TMEM167B: variants seen among roughly 807,000 people sequenced by gnomAD.
TMEM167B encodes transmembrane protein 167B, also known as protein kish-B.
In TMEM167B, 2 loss-of-function variants were observed where a neutral mutation model predicts 9.4. That is an observed-to-expected ratio of 0.21 (90% CI 0.09 to 0.67). The LOEUF is 0.67. Among genes scored for constraint, TMEM167B ranks in the 30% least tolerant of loss-of-function variants. The probability of loss-of-function intolerance (pLI) is 0.82; values close to 1 mark genes in which losing one functional copy is unlikely to be tolerated. For missense variants in TMEM167B, 68 were observed against 87.6 expected (o/e 0.78, Z 0.89); for synonymous variants, 28 against 32.0 (o/e 0.87, Z 0.42).
chr1:109,093,993 C>T (rs1664511497), intron 2 of TMEM167B, among the ~76,000 whole-genome samples: 1 of 151,328 alleles, frequency 6.6e-6, no homozygotes, highest in South Asian at 2.1e-4. Flanking sequence ...AAAAATTAGC[C>T]AGGGAGCCGG....
Position 109,090,769 on chromosome 1 carries a change from A to G in TMEM167B, c.-104A>G, listed in dbSNP as rs1664427009. The G allele has an allele frequency of 5.6e-6, 8 of 1,434,410 alleles. No individual in the cohort carries two copies. Among genetic ancestry groups the G allele is most frequent in the Non-Finnish European group, 7.7e-6 (8 of 1,040,522 alleles). 88.9% of individuals were successfully genotyped at this position (1,434,410 alleles called of 1,614,324 possible). A position where few individuals can be genotyped will look rare whatever the true frequency, so the allele number is the denominator to read the frequency against. ...GCTCCTGCGTACTACGGCTTCTTCC[A>G]GTCACCTCGGCCCGGATCGGGAAGT... On this transcript the variant is annotated 5_prime_UTR_variant, in exon 1 of 3. Coordinates refer to ENST00000338272, the MANE Select transcript of TMEM167B (RefSeq NM_020141.4).
rs146486834 is a variant in TMEM167B, at chr1:109,091,235, G to C, written c.10+353G>C. ...GAGGCTCCTCCTCCCAGCTCCCTGC[G>C]TTCTCATGCTTTCGGACCGTAGTTT... On this transcript the variant is annotated intron_variant, in intron 1 of 2. Coordinates refer to ENST00000338272, the MANE Select transcript of TMEM167B (RefSeq NM_020141.4). Among the ~76,000 whole-genome samples, 411 of 152,244 alleles carry C rather than the reference G, an allele frequency of 2.7e-3. 3 individuals carry two copies. Among genetic ancestry groups the C allele is most frequent in the South Asian group, 0.02 (98 of 4,834 alleles).
In TMEM167B at chr1:109,094,510, A is replaced by T. The variant is rs751262540; in HGVS notation, c.*11A>T. ...CTGTTTATAAAATGAATTCCAAAGC[A>T]CCCAAGTCATCAACTGCCAACCAAG... On this transcript the variant is annotated 3_prime_UTR_variant, in exon 3 of 3. Coordinates refer to ENST00000338272, the MANE Select transcript of TMEM167B (RefSeq NM_020141.4). The T allele has an allele frequency of 2.5e-6, 4 of 1,613,510 alleles. No individual in the cohort carries two copies. The Admixed American group carries it at 6.7e-5, about 27-fold the overall frequency.
chr1:109,091,592 A>G (rs1262984437), intron 1 of TMEM167B: 1 of 152,234 alleles, frequency 6.6e-6, no homozygotes, highest in African/African-American at 2.4e-5. Flanking sequence ...GAGAAGAGAA[A>G]GCCTTTTAGG....
rs905821045 is a variant in TMEM167B at position 109,094,812 on chromosome 1, T to C, written c.*313T>C. On this transcript the variant is annotated 3_prime_UTR_variant, in exon 3 of 3. Coordinates refer to ENST00000338272, the MANE Select transcript of TMEM167B (RefSeq NM_020141.4). ...CCTCCTTCATAAAAACCTGTCATCC[T>C]GTTTTGTTCTTCAGCTCCTCATCAG... is the stretch of plus-strand genomic sequence containing the variant. The C allele has an allele frequency of 3.8e-6, 1 of 262,280 alleles. No homozygotes were observed. Among genetic ancestry groups the C allele is most frequent in the East Asian group, 9.0e-5 (1 of 11,088 alleles). 16.2% of individuals were successfully genotyped at this position (262,280 alleles called of 1,614,324 possible).
At chr1:109,092,580 A>AT (rs1378194191) in intron 1 of TMEM167B, among the ~76,000 whole-genome samples, 1 of 151,360 alleles carries the variant, frequency 6.6e-6, no homozygotes, top group Non-Finnish European at 1.5e-5. Context: ...AAAAAAAAAA[A>AT]TTTTTTTTTG....
intron 1 of TMEM167B, among the ~76,000 whole-genome samples, 159 bp downstream of exon 1, chr1:109,091,041 A>G (rs1664437312): frequency 7.1e-6 from 1 of 141,162 alleles, no homozygotes; most frequent in Admixed American, 7.8e-5. Context: ...ATACTCCTCT[A>G]CGGGTTCCCC....
chr1:109,090,934 C>G lies in TMEM167B; in HGVS notation c.10+52C>G, dbSNP rs377487644. The G allele has an allele frequency of 4.5e-6, 7 of 1,556,706 alleles. No homozygotes were observed. The South Asian group carries it at 5.9e-5, about 13-fold the overall frequency. ...GTGGGAGTGAAGGACGAAGGGAAAA[C>G]GTGGCGGGCGGGGCCGGGACTGACG... On this transcript the variant is annotated intron_variant, in intron 1 of 2. Transcript: ENST00000338272.
intron 2 of TMEM167B, 119 bp from the exon 3 acceptor site, chr1:109,094,298 C>A: frequency 1.0e-6 from 1 of 993,960 alleles, no homozygotes; most frequent in Non-Finnish European, 1.5e-6. Flanking sequence ...ATAAAAACAT[C>A]CCAGGCCCTT....
chr1:109,092,773 T>G, intron 1 of TMEM167B, 117 bp from the exon 2 acceptor site: 2 of 1,163,754 alleles, frequency 1.7e-6, no homozygotes, highest in Non-Finnish European at 2.5e-6. Context: ...GTACTGCCTG[T>G]TGAGGTTATT....
At position 109,092,953 on chromosome 1, in the gene TMEM167B, A is replaced by G. The variant is rs554656426; in HGVS notation, c.74A>G (p.Lys25Arg). ...LLFVCTCAYFKKVPRLKTWLL... is the reference protein window; with the variant it reads ...LLFVCTCAYFRKVPRLKTWLL... ...TTTGTTTGCACCTGTGCCTACTTCA[A>G]GAAAGTACCTCGTCTCAAAACCTGG... The change falls in exon 2 of 3, where the codon AAG (lysine) becomes AGG (arginine). Residue 25 changes from lysine to arginine, a missense_variant. Transcript: ENST00000338272. The G allele has an allele frequency of 2.4e-5, 39 of 1,614,028 alleles. No individual in the cohort carries two copies. Among genetic ancestry groups the G allele is most frequent in the Non-Finnish European group, 3.0e-5 (35 of 1,180,042 alleles).
intron 1 of TMEM167B, among the ~76,000 whole-genome samples, chr1:109,091,952 T>A (rs1312197134): frequency 1.3e-5 from 2 of 152,158 alleles, no homozygotes; most frequent in Non-Finnish European, 2.9e-5. Flanking sequence ...AAAAGGGAAT[T>A]TACCCAGAGG....
chr1:109,095,893 T>C lies in TMEM167B; in HGVS notation c.*1394T>C, dbSNP rs1347120735. The C allele has an allele frequency of 6.6e-6, 1 of 152,212 alleles. No individual in the cohort carries two copies. The highest frequency in any genetic ancestry group is 1.5e-5 in the Non-Finnish European group (1 of 68,040). 9.4% of individuals were successfully genotyped at this position (152,212 alleles called of 1,614,324 possible). ...ATGGAAGGATCAGCTGTTGGATGTC[T>C]AGAACTTCTCTATTTAAAAAAAAAG... On this transcript the variant is annotated 3_prime_UTR_variant, in exon 3 of 3. Coordinates refer to ENST00000338272, the MANE Select transcript of TMEM167B (RefSeq NM_020141.4).
At position 109,094,933 on chromosome 1, in the gene TMEM167B, G is replaced by A. The variant is rs527759474; in HGVS notation, c.*434G>A. The A allele has an allele frequency of 4.5e-5, 7 of 155,818 alleles. No homozygotes were observed. The highest frequency in any genetic ancestry group is 1.7e-4 in the African/African-American group (7 of 41,620). 9.7% of individuals were successfully genotyped at this position (155,818 alleles called of 1,614,324 possible). ...TTTTCAAGACTTCTTTTCACTCTTT[G>A]ATTTGGATCTGGCAAATTGGGGAGG... On this transcript the variant is annotated 3_prime_UTR_variant, in exon 3 of 3. Transcript: ENST00000338272.
At position 109,090,783 on chromosome 1, in the gene TMEM167B, G is replaced by A; in HGVS notation, c.-90G>A. ...CGGCTTCTTCCAGTCACCTCGGCCC[G>A]GATCGGGAAGTGTCAAGCGGGCGCT... is the stretch of plus-strand genomic sequence containing the variant. On this transcript the variant is annotated 5_prime_UTR_variant, in exon 1 of 3. Transcript: ENST00000338272. 3.3e-6 allele frequency: 5 copies of A among 1,504,938 alleles called. No homozygotes were observed. The highest frequency in any genetic ancestry group is 2.0e-5 in the Admixed American group (1 of 51,024). The allele number at this position is 1,504,938 out of a possible 1,614,324, so 93.2% of individuals were successfully genotyped here. A position where few individuals can be genotyped will look rare whatever the true frequency, so the allele number is the denominator to read the frequency against.
In TMEM167B at chr1:109,096,836, A is replaced by T. The variant is rs1664577631; in HGVS notation, c.*2337A>T. 1 of 152,236 alleles carries T rather than the reference A, an allele frequency of 6.6e-6. No homozygotes were observed. Among genetic ancestry groups the T allele is most frequent in the Non-Finnish European group, 1.5e-5 (1 of 68,042 alleles). 9.4% of individuals were successfully genotyped at this position (152,236 alleles called of 1,614,324 possible). A position where few individuals can be genotyped will look rare whatever the true frequency, so the allele number is the denominator to read the frequency against. On this transcript the variant is annotated 3_prime_UTR_variant, in exon 3 of 3. Coordinates refer to ENST00000338272, the MANE Select transcript of TMEM167B (RefSeq NM_020141.4). ...GGCATCACCATAAACCCTGTAGGCC[A>T]GGGTGGAATGAAGTCAGCTCCTTTT...
Position 109,094,764 on chromosome 1 carries a change from C to T in TMEM167B, c.*265C>T. ...GCATATAATGTCCGGATAAATTACA[C>T]CCCTCGGTGATAAGATTACATACCT... On this transcript the variant is annotated 3_prime_UTR_variant, in exon 3 of 3. Coordinates refer to ENST00000338272, the MANE Select transcript of TMEM167B (RefSeq NM_020141.4). The T allele has an allele frequency of 7.1e-6, 3 of 423,526 alleles. No homozygotes were observed. Among genetic ancestry groups the T allele is most frequent in the Non-Finnish European group, 8.5e-6 (2 of 236,366 alleles). The allele number at this position is 423,526 out of a possible 1,614,324, so 26.2% of individuals were successfully genotyped here.
In TMEM167B at chr1:109,094,523, A is replaced by G; in HGVS notation, c.*24A>G. 1.2e-6 allele frequency: 2 copies of G among 1,611,372 alleles called. No individual in the cohort carries two copies. Among genetic ancestry groups the G allele is most frequent in the South Asian group, 1.1e-5 (1 of 90,990 alleles). ...GAATTCCAAAGCACCCAAGTCATCA[A>G]CTGCCAACCAAGGGGACGGGGATGA... On this transcript the variant is annotated 3_prime_UTR_variant, in exon 3 of 3. Coordinates refer to ENST00000338272, the MANE Select transcript of TMEM167B (RefSeq NM_020141.4).
intron 1 of TMEM167B, among the ~76,000 whole-genome samples, chr1:109,092,085 C>A (rs1243658068): frequency 6.6e-6 from 1 of 152,168 alleles, no homozygotes; most frequent in Non-Finnish European, 1.5e-5. Flanking sequence ...TTAGGTGATT[C>A]ATTGTGCTTC....
Sources: gnomAD v4.1 joint callset for allele counts (sites outside exome capture counted in the v4.1 genomes callset) on GRCh38, gnomAD v4.1.1 for gene constraint, MANE v1.5 for transcripts, NCBI Gene and HGNC (gene_info 2026-07-23, HGNC 2026-07-21) for gene names.